The following GRID2 variants were observed in gnomAD, a reference collection of about 807,000 sequenced individuals.
GRID2 encodes the protein glutamate ionotropic receptor delta type subunit 2.
In GRID2, 33 loss-of-function variants were observed where a neutral mutation model predicts 114.8. The observed-to-expected ratio is 0.29, with a 90% CI of 0.22 to 0.38. The LOEUF (loss-of-function observed/expected upper bound fraction) is 0.38. Ranked by LOEUF, GRID2 falls within the 10% of genes least tolerant of loss-of-function variation. The probability of loss-of-function intolerance (pLI) is 1.00; values close to 1 mark genes in which losing one functional copy is unlikely to be tolerated. For missense variants in GRID2, 1,184 were observed against 1,257.7 expected, an observed-to-expected ratio of 0.94 and a Z score of 0.89; for synonymous variants, 505 against 449.9, an observed-to-expected ratio of 1.12 and a Z score of -1.55.
chr4:92,726,071 A>G (rs552187041), intron 2 of GRID2, among the ~76,000 whole-genome samples: 5 of 152,282 alleles, frequency 3.3e-5, no homozygotes, highest in African/African-American at 1.2e-4. Context: ...TGCTTGAATC[A>G]TAGATGAGAG....
intron 2 of GRID2, among the ~76,000 whole-genome samples, chr4:92,683,569 G>C (rs539949153): frequency 9.6e-4 from 146 of 151,906 alleles, no homozygotes; most frequent in Non-Finnish European, 1.8e-3. Context: ...AAATGAGGAT[G>C]ATGAAGAAAA....
intron 2 of GRID2, among the ~76,000 whole-genome samples, chr4:93,033,763 A>T (rs554738283): frequency 3.3e-5 from 5 of 151,850 alleles, no homozygotes; most frequent in South Asian, 2.1e-4. Context: ...CTGTTTGTGG[A>T]TGCTTTTATG....
chr4:92,714,525 C>T (rs928410945), intron 2 of GRID2, among the ~76,000 whole-genome samples: 2 of 152,230 alleles, frequency 1.3e-5, no homozygotes, highest in Admixed American at 6.5e-5. Flanking sequence ...TTCCCTTCCC[C>T]ACTGCCCTAG....
intron 14 of GRID2, among the ~76,000 whole-genome samples, chr4:93,658,501 T>TA (rs927666560): frequency 3.3e-5 from 5 of 152,044 alleles, no homozygotes; most frequent in East Asian, 1.9e-4. Context: ...GTTTTACAAA[T>TA]AAAAAAAACT....
At chr4:93,403,160 G>A (rs1766070413) in intron 9 of GRID2, among the ~76,000 whole-genome samples, 2 of 152,110 alleles carry the variant, frequency 1.3e-5, no homozygotes, top group African/African-American at 4.8e-5. Flanking sequence ...AAATAATAAA[G>A]TTTGGTTCAG....
rs1560868867 is a variant in GRID2 at position 93,656,855 on chromosome 4, AAAC to A, written c.2360+30423_2360+30425del. On this transcript the variant is annotated intron_variant, in intron 14 of 15. Coordinates refer to ENST00000282020, the MANE Select transcript of GRID2 (RefSeq NM_001510.4). ...AAAAAAAAAAAAAAAAAAAAAAAAA[AAAC>A]AAATAATTCCAGCTGTCATTTCAAT... is the stretch of plus-strand genomic sequence containing the variant. Among the ~76,000 whole-genome samples, 9 of 148,166 alleles carry A rather than the reference AAAC, an allele frequency of 6.1e-5. No individual in the cohort carries two copies. The South Asian group carries it at 1.7e-3, about 28-fold the overall frequency.
intron 2 of GRID2, among the ~76,000 whole-genome samples, chr4:92,844,151 C>T (rs867948624): frequency 2.0e-5 from 3 of 151,810 alleles, no homozygotes; most frequent in African/African-American, 4.8e-5. Flanking sequence ...AGTATAATTC[C>T]GTTTTCCTTG....
At chr4:93,038,403 A>G (rs1212379164) in intron 2 of GRID2, among the ~76,000 whole-genome samples, 1 of 152,194 alleles carries the variant, frequency 6.6e-6, no homozygotes, top group South Asian at 2.1e-4. Context: ...CAAACATATG[A>G]AAAAGAGTTC....
At chr4:93,090,834 G>A (rs1004317453) in intron 3 of GRID2, among the ~76,000 whole-genome samples, 5 of 152,080 alleles carry the variant, frequency 3.3e-5, no homozygotes, top group African/African-American at 4.8e-5. Context: ...TCAGGAACCC[G>A]CTGGGTGGAA....
intron 1 of GRID2, among the ~76,000 whole-genome samples, chr4:92,502,182 T>C (rs1723717008): frequency 6.6e-6 from 1 of 152,126 alleles, no homozygotes; most frequent in Non-Finnish European, 1.5e-5. Context: ...TTTTTTAACA[T>C]ATATTTCTAT....
At chr4:93,299,666 G>A (rs1163147161) in intron 8 of GRID2, among the ~76,000 whole-genome samples, 2 of 151,828 alleles carry the variant, frequency 1.3e-5, no homozygotes, top group East Asian at 1.9e-4. Context: ...AAACCTGTAC[G>A]TTGTCCACAT....
At chr4:92,388,854 T>C (rs1730106567) in intron 1 of GRID2, among the ~76,000 whole-genome samples, 2 of 152,086 alleles carry the variant, frequency 1.3e-5, no homozygotes, top group Non-Finnish European at 2.9e-5. Flanking sequence ...CAATGACTAC[T>C]GTAAGTATAC....
chr4:92,763,164 G>C (rs933872270), intron 2 of GRID2, among the ~76,000 whole-genome samples: 1 of 152,142 alleles, frequency 6.6e-6, no homozygotes, highest in Non-Finnish European at 1.5e-5. Context: ...TAATGAGCTA[G>C]AGTGAACTTA....
At chr4:92,848,507 A>G (rs943550567) in intron 2 of GRID2, among the ~76,000 whole-genome samples, 1 of 151,984 alleles carries the variant, frequency 6.6e-6, no homozygotes, top group African/African-American at 2.4e-5. Context: ...AACGATCATC[A>G]TGAAATAGAG....
chr4:93,221,013 T>G (rs1216603677), intron 6 of GRID2, among the ~76,000 whole-genome samples: 2 of 152,158 alleles, frequency 1.3e-5, no homozygotes, highest in Admixed American at 6.6e-5. Context: ...CAAAATCAAT[T>G]ACATGAAGAA....
At chr4:93,584,906 G>T (rs142521053) in intron 13 of GRID2, among the ~76,000 whole-genome samples, 138 of 152,208 alleles carry the variant, frequency 9.1e-4, no homozygotes, top group Middle Eastern at 3.4e-3. Flanking sequence ...AATTGCCCTT[G>T]ATTGATGAGA....
chr4:93,730,422 A>G (rs544047529), intron 14 of GRID2, among the ~76,000 whole-genome samples: 1 of 152,294 alleles, frequency 6.6e-6, no homozygotes, highest in East Asian at 1.9e-4. Context: ...GCTGTGCTGG[A>G]GACAGCTAAG....
intron 2 of GRID2, among the ~76,000 whole-genome samples, chr4:92,869,184 A>C (rs986246238): frequency 3.9e-5 from 6 of 152,202 alleles, no homozygotes; most frequent in African/African-American, 1.2e-4. Flanking sequence ...GCTTACAGTA[A>C]TTACAGCTTA....
intron 13 of GRID2, among the ~76,000 whole-genome samples, chr4:93,613,574 T>G (rs1476446790): frequency 5.1e-5 from 5 of 97,824 alleles, no homozygotes; most frequent in South Asian, 4.1e-4. Context: ...CCCTGCCGTG[T>G]GAGGTGTCAG....
Sources: gnomAD v4.1 joint callset for allele counts (sites outside exome capture counted in the v4.1 genomes callset) on GRCh38, gnomAD v4.1.1 for gene constraint, MANE v1.5 for transcripts, NCBI Gene and HGNC (gene_info 2026-07-23, HGNC 2026-07-21) for gene names.